CDKN2A: variants seen among roughly 807,000 people sequenced by gnomAD.
The protein encoded by CDKN2A is cyclin-dependent kinase inhibitor 2A.
Under a neutral mutation model 11.1 loss-of-function variants are expected in CDKN2A, and 3 were observed. That is an observed-to-expected ratio of 0.27 (90% CI 0.12 to 0.70). The LOEUF is 0.70. Among genes scored for constraint, CDKN2A ranks in the 30% least tolerant of loss-of-function variants. CDKN2A has a pLI of 0.77. For synonymous variants in CDKN2A, 122 were observed against 108.1 expected (o/e 1.13, Z -0.80); for missense variants, 265 against 233.6 (o/e 1.13, Z -0.88).
At chr9:21,975,177 A>C (rs1467903837), upstream of CDKN2A, 58 of 1,123,684 alleles carry the variant, frequency 5.2e-5, no homozygotes, top group Middle Eastern at 7.4e-4. Flanking sequence ...GCTCCTCCCC[A>C]CCTGCCCCCC....
Position 21,988,640 on chromosome 9 carries a change from T to C in CDKN2A, c.-4+5242A>G, listed in dbSNP as rs578180010. Among the ~76,000 whole-genome samples the C allele has an allele frequency of 5.3e-5, 8 of 152,264 alleles. No individual in the cohort carries two copies. In the South Asian group the frequency reaches 1.7e-3, roughly 32 times the overall value. The stretch of plus-strand genomic sequence containing the variant: ...AATGAGCGAGGGCTGAAATACTACC[T>C]ACTGTGGGTACTGTGCTCACTACTT... On this transcript the variant is annotated intron_variant, in intron 2 of 3. Transcript: ENST00000494262. The surrounding 1 kb of genome is among the most constrained non-coding windows in gnomAD (Gnocchi z 4.1).
rs1282223233 is a variant in CDKN2A at position 21,982,858 on chromosome 9, T to C, written c.-4+11024A>G. ...ATGGGATAGAGAGTATTATTCTTTCTTCATAATGCAGACAAAAAAAAAAGC... is the reference window on the plus strand; with the variant it reads ...ATGGGATAGAGAGTATTATTCTTTCCTCATAATGCAGACAAAAAAAAAAGC... On this transcript the variant is annotated intron_variant, in intron 2 of 3. Coordinates refer to the CDKN2A transcript ENST00000494262. Among the ~76,000 whole-genome samples the C allele has an allele frequency of 2.7e-5, 4 of 149,170 alleles. No individual in the cohort carries two copies. The East Asian group carries it at 7.7e-4, about 29-fold the overall frequency.
upstream of CDKN2A, chr9:21,974,875 C>A (rs746294267): frequency 2.7e-6 from 4 of 1,475,124 alleles, no homozygotes; most frequent in Admixed American, 2.6e-5. The surrounding 1 kb of genome is among the most constrained non-coding windows in gnomAD (Gnocchi z 5.2). Context: ...CCGCAGCCGC[C>A]GAGCGCACGC....
At chr9:21,975,148 G>T, upstream of CDKN2A, 1 of 1,200,218 alleles carries the variant, frequency 8.3e-7, no homozygotes, top group Non-Finnish European at 1.0e-6. Context: ...AGCCAGCGTT[G>T]GCAAGGAAGG....
At chr9:21,994,797 A>C in intron 1 of CDKN2A, 34 of 165,010 alleles carry the variant, frequency 2.1e-4, no homozygotes, top group East Asian at 1.1e-3. Flanking sequence ...CCCTAGCTAC[A>C]TCCGTCACCT....
At chr9:21,977,004 T>A (rs1346611745), upstream of CDKN2A, among the ~76,000 whole-genome samples, 1 of 152,258 alleles carries the variant, frequency 6.6e-6, no homozygotes, top group Admixed American at 6.5e-5. Flanking sequence ...TTAAAAGTTA[T>A]ATTTCAATCC....
rs1231900408 is a variant in CDKN2A, at chr9:21,974,596, T to C, written c.150+82A>G. Reference sequence around the variant, plus strand: ...CCCTTTTTCCGGAGAATCGAAGCGCTACCTGATTCCAATTCCCCTGCAAAC... The same window carrying C: ...CCCTTTTTCCGGAGAATCGAAGCGCCACCTGATTCCAATTCCCCTGCAAAC... On this transcript the variant is annotated intron_variant, in intron 1 of 2. Transcript: ENST00000304494. The surrounding 1 kb of genome is among the most constrained non-coding windows in gnomAD (Gnocchi z 5.2). 6 of 1,614,028 alleles carry C rather than the reference T, an allele frequency of 3.7e-6. No individual in the cohort carries two copies. Among genetic ancestry groups the C allele is most frequent in the African/African-American group, 1.3e-5 (1 of 75,020 alleles).
At chr9:21,992,446 C>A in intron 2 of CDKN2A, 1 of 981,468 alleles carries the variant, frequency 1.0e-6, no homozygotes, top group Non-Finnish European at 1.2e-6. Context: ...CTGAAGATTG[C>A]GCTTTTCACA....
intron 1 of CDKN2A, chr9:21,994,460 C>T (rs2131149708): frequency 6.5e-7 from 1 of 1,537,988 alleles, no homozygotes; most frequent in Non-Finnish European, 8.7e-7. Context: ...CCCATCTCCG[C>T]CCCGCAGGCG....
At chr9:21,975,127 G>A, upstream of CDKN2A, 1 of 1,235,620 alleles carries the variant, frequency 8.1e-7, no homozygotes, top group Non-Finnish European at 1.0e-6. Flanking sequence ...GCCGGAAGCA[G>A]CCCTCGCCAG....
chr9:21,974,963 C>A (rs1250968877), upstream of CDKN2A: 1 of 1,417,344 alleles, frequency 7.1e-7, no homozygotes. This position sits in a 1 kb window ranked among gnomAD's most constrained non-coding sequence, Gnocchi z 5.2. Flanking sequence ...CCCCTCCGAC[C>A]CTGTCCCTCA....
chr9:21,991,837 A>T lies in CDKN2A; in HGVS notation c.-4+2045T>A. On this transcript the variant is annotated intron_variant, in intron 2 of 3. Transcript: ENST00000494262. The surrounding 1 kb of genome is among the most constrained non-coding windows in gnomAD (Gnocchi z 5.2). Reference sequence around the variant, plus strand: ...CACTTGGAACACAATACAAACTGTGAATCATGTACACATGGGGAATAATGG... The same window carrying T: ...CACTTGGAACACAATACAAACTGTGTATCATGTACACATGGGGAATAATGG... 1 of 985,044 alleles carries T rather than the reference A, an allele frequency of 1.0e-6. No homozygotes were observed. The allele number at this position is 985,044 out of a possible 1,614,324, so 61.0% of individuals were successfully genotyped here.
At chr9:21,987,721 C>CA (rs1820335771) in intron 2 of CDKN2A, among the ~76,000 whole-genome samples, 1 of 152,136 alleles carries the variant, frequency 6.6e-6, no homozygotes, top group Admixed American at 6.5e-5. Context: ...ACTGATTACT[C>CA]AGACTCTCCT....
intron 2 of CDKN2A, among the ~76,000 whole-genome samples, chr9:21,987,029 T>C (rs1587351545): frequency 1.3e-5 from 2 of 152,108 alleles, no homozygotes; most frequent in South Asian, 2.1e-4. Context: ...AGCTTTTTCC[T>C]AATACATCAG....
chr9:21,979,373 G>C (rs374527080), upstream of CDKN2A, among the ~76,000 whole-genome samples: 2 of 152,202 alleles, frequency 1.3e-5, no homozygotes, highest in African/African-American at 2.4e-5. Context: ...GAGGCAGATG[G>C]AAGGTGGAGG....
rs542826700 is a variant in CDKN2A at position 21,968,696 on chromosome 9, G to A, written c.458-454C>T. On this transcript the variant is annotated intron_variant, in intron 2 of 2. Coordinates refer to ENST00000304494, the MANE Select transcript of CDKN2A (RefSeq NM_000077.5). This position sits in a 1 kb window ranked among gnomAD's most constrained non-coding sequence, Gnocchi z 4.7. ...TAACCAAAGGGCGCCTCAGGCTCTG[G>A]CGCTCCTCGGCGGAATCCCGTAGCT... 219 of 1,536,150 alleles carry A rather than the reference G, an allele frequency of 1.4e-4. No homozygotes were observed. In the African/African-American group the frequency reaches 2.5e-3, roughly 18 times the overall value.
intron 1 of CDKN2A, chr9:21,994,462 C>T (rs1313041775): frequency 6.5e-7 from 1 of 1,536,888 alleles, no homozygotes. Context: ...CATCTCCGCC[C>T]CGCAGGCGCG....
chr9:21,979,614 T>G (rs1236066471), upstream of CDKN2A, among the ~76,000 whole-genome samples: 1 of 152,128 alleles, frequency 6.6e-6, no homozygotes, highest in Non-Finnish European at 1.5e-5. Context: ...GGGGAGGAAG[T>G]TGAGGCACTT....
chr9:21,993,973 C>A (rs1199648712), exon 2 of CDKN2A: 4 of 758,420 alleles, frequency 5.3e-6, no homozygotes, highest in African/African-American at 1.7e-5. Flanking sequence ...AATGGTACTG[C>A]GAGAACCACA....
Sources: allele counts gnomAD v4.1 joint callset (sites outside exome capture counted in the v4.1 genomes callset), GRCh38; gene constraint gnomAD v4.1.1; non-coding constraint Gnocchi (gnomAD v3.1); transcripts MANE v1.5; gene names NCBI Gene and HGNC (gene_info 2026-07-23, HGNC 2026-07-21).